The following ABCB7 variants were observed in gnomAD, a reference collection of about 807,000 sequenced individuals.
ABCB7 encodes the protein ATP binding cassette subfamily B member 7.
Under a neutral mutation model 54.4 loss-of-function variants are expected in ABCB7, and 7 were observed. That is an observed-to-expected ratio of 0.13 (90% CI 0.07 to 0.24). The LOEUF (loss-of-function observed/expected upper bound fraction) is 0.24. Ranked by LOEUF, ABCB7 falls within the 10% of genes least tolerant of loss-of-function variation. ABCB7 has a pLI of 1.00. For synonymous variants in ABCB7, 218 were observed against 207.1 expected, an observed-to-expected ratio of 1.05 and a Z score of -0.45; for missense variants, 356 against 570.4, an observed-to-expected ratio of 0.62 and a Z score of 3.83.
intron 1 of ABCB7, among the ~76,000 whole-genome samples, chrX:75,120,498 A>G (rs987089124): frequency 1.8e-5 from 2 of 110,401 alleles, no homozygotes; most frequent in Non-Finnish European, 3.8e-5. Context: ...AATCCGAGCT[A>G]CTTGGGAGGC....
At chrX:75,070,946 A>AAAT (rs199699650) in intron 9 of ABCB7, among the ~76,000 whole-genome samples, 14,158 of 109,868 alleles carry the variant, frequency 0.13, 1,588 homozygotes, top group East Asian at 0.91. Context: ...AAACAAAATG[A>AAAT]AACAACAACA....
At chrX:75,069,737 T>TG (rs1464988949) in intron 10 of ABCB7, among the ~76,000 whole-genome samples, 2 of 110,822 alleles carry the variant, frequency 1.8e-5, no homozygotes, top group Non-Finnish European at 3.8e-5. Context: ...GGGCTGAGGA[T>TG]GCAAGGAGAG....
intron 2 of ABCB7, among the ~76,000 whole-genome samples, chrX:75,114,094 C>T (rs1456556490): frequency 8.9e-6 from 1 of 111,874 alleles, no homozygotes; most frequent in Admixed American, 9.6e-5. Flanking sequence ...TTCCCCTTAA[C>T]ACTTTAATAA....
At chrX:75,082,781 T>C (rs967411719) in intron 4 of ABCB7, among the ~76,000 whole-genome samples, 37 of 111,410 alleles carry the variant, frequency 3.3e-4, no homozygotes, top group Non-Finnish European at 6.2e-4. Flanking sequence ...GAAAAGTTAC[T>C]TATGTATAAT....
chrX:75,102,967 C>T (rs1277905274), intron 3 of ABCB7, among the ~76,000 whole-genome samples: 1 of 110,917 alleles, frequency 9.0e-6, no homozygotes, highest in Non-Finnish European at 1.9e-5. Flanking sequence ...TGAGAAATGT[C>T]TTTTTAATTG....
At chrX:75,147,509 G>A (rs759928102) in intron 1 of ABCB7, among the ~76,000 whole-genome samples, 6 of 111,322 alleles carry the variant, frequency 5.4e-5, no homozygotes, top group Admixed American at 9.6e-5. Flanking sequence ...ACAAAATCAC[G>A]TCCTTTGCAG....
At chrX:75,081,796 G>T (rs911388394) in intron 4 of ABCB7, among the ~76,000 whole-genome samples, 7 of 111,387 alleles carry the variant, frequency 6.3e-5, no homozygotes, top group African/African-American at 2.0e-4. Context: ...CAATCAAGAT[G>T]TCAAGGTAAG....
intron 9 of ABCB7, among the ~76,000 whole-genome samples, chrX:75,070,898 A>G (rs187015194): frequency 1.7e-4 from 19 of 110,897 alleles, no homozygotes; most frequent in Admixed American, 5.8e-4. Flanking sequence ...ATCACGATTA[A>G]GGATGATAAA....
At chrX:75,101,602 C>T (rs1442449931) in intron 3 of ABCB7, among the ~76,000 whole-genome samples, 1 of 111,136 alleles carries the variant, frequency 9.0e-6, no homozygotes, top group Non-Finnish European at 1.9e-5. Flanking sequence ...TTTTAAAATT[C>T]CCTTTCCCAA....
At chrX:75,068,874 GA>G in intron 12 of ABCB7, 132 bp downstream of exon 12, 1 of 786,451 alleles carries the variant, frequency 1.3e-6, no homozygotes, top group Non-Finnish European at 1.9e-6. Context: ...TTTGATACCA[GA>G]ATTTCACTGG....
rs770922311 is a variant in ABCB7, at chrX:75,069,436, G to C, written c.1384C>G (p.Pro462Ala). ...GCTGTCTGTGGTGTGATCTGAAGGGGAGATGCCATCACTTTGTCCTAGCAG... is the reference window on the plus strand; with the variant it reads ...GCTGTCTGTGGTGTGATCTGAAGGGCAGATGCCATCACTTTGTCCTAGCAG... The part of the protein sequence containing the change: ...TQIKDKVMAS[P>A]LQITPQTATV... Residue 462 changes from proline (P) to alanine (A), a missense_variant, in exon 11 of 16, where the codon CCC (proline) becomes GCC (alanine). Pro to Ala is a conservative substitution (Grantham distance 27). This residue lies in a region of ABCB7 where 241 missense variants were observed against 470.9 expected (regional missense o/e 0.51). Transcript: ENST00000373394. 1.7e-6 allele frequency: 2 copies of C among 1,207,354 alleles called. No individual in the cohort carries two copies. The highest frequency in any genetic ancestry group is 2.2e-6 in the Non-Finnish European group (2 of 894,116).
chrX:75,070,018 G>A (rs1331533047), intron 10 of ABCB7, among the ~76,000 whole-genome samples: 1 of 110,676 alleles, frequency 9.0e-6, no homozygotes, highest in Non-Finnish European at 1.9e-5. Flanking sequence ...GGGATTACAG[G>A]CATGTGCCAT....
chrX:75,121,898 C>G (rs1294674840), intron 1 of ABCB7, among the ~76,000 whole-genome samples: 1 of 111,546 alleles, frequency 9.0e-6, no homozygotes, highest in Non-Finnish European at 1.9e-5. Context: ...TCCTCTCTAC[C>G]CTGAATACAA....
intron 1 of ABCB7, among the ~76,000 whole-genome samples, chrX:75,148,848 T>C (rs1006100048): frequency 4.5e-5 from 5 of 111,642 alleles, no homozygotes; most frequent in African/African-American, 1.3e-4. Flanking sequence ...ACCCAATCTG[T>C]GGTGTTATGG....
At chrX:75,124,941 T>C (rs1438265263) in intron 1 of ABCB7, among the ~76,000 whole-genome samples, 1 of 111,772 alleles carries the variant, frequency 8.9e-6, no homozygotes, top group Non-Finnish European at 1.9e-5. Flanking sequence ...AATACCGAAA[T>C]TGCTTGCTCT....
intron 4 of ABCB7, among the ~76,000 whole-genome samples, chrX:75,078,436 G>T (rs1025226508): frequency 1.8e-5 from 2 of 110,929 alleles, no homozygotes; most frequent in Non-Finnish European, 3.8e-5. Flanking sequence ...AAATTTGAGG[G>T]GTACAAGTGC....
At chrX:75,088,871 A>G (rs2081522523) in intron 4 of ABCB7, among the ~76,000 whole-genome samples, 1 of 109,541 alleles carries the variant, frequency 9.1e-6, no homozygotes, top group Non-Finnish European at 1.9e-5. Context: ...AACAACAACA[A>G]CAACAAAAAA....
At chrX:75,133,548 G>A (rs1447371399) in intron 1 of ABCB7, among the ~76,000 whole-genome samples, 5 of 111,375 alleles carry the variant, frequency 4.5e-5, no homozygotes, top group African/African-American at 1.3e-4. Context: ...CCCCAAGGTC[G>A]AAATGAAATA....
intron 1 of ABCB7, among the ~76,000 whole-genome samples, chrX:75,122,417 C>G (rs1245929461): frequency 1.1e-5 from 1 of 93,900 alleles, no homozygotes; most frequent in Non-Finnish European, 2.0e-5. Context: ...TAAAAATGGG[C>G]GAGCAGCAGC....
Sources: gnomAD v4.1 joint callset for allele counts (sites outside exome capture counted in the v4.1 genomes callset) on GRCh38, gnomAD v4.1.1 for gene constraint, gnomAD v4.1.1 regional missense constraint, MANE v1.5 for transcripts, NCBI Gene and HGNC (gene_info 2026-07-23, HGNC 2026-07-21) for gene names.